IGF2BP2: variants seen among roughly 807,000 people sequenced by gnomAD.
IGF2BP2 encodes insulin-like growth factor 2 mRNA-binding protein 2.
Under a neutral mutation model 75.8 loss-of-function variants are expected in IGF2BP2, and 17 were observed. The observed-to-expected ratio is 0.22, with a 90% CI of 0.15 to 0.34. The LOEUF (loss-of-function observed/expected upper bound fraction) is 0.34. IGF2BP2 is among the 10% of genes least tolerant of loss of function. IGF2BP2 has a pLI of 1.00. For missense variants in IGF2BP2, 516 were observed against 772.4 expected, an observed-to-expected ratio of 0.67 and a Z score of 3.93; for synonymous variants, 288 against 295.6, an observed-to-expected ratio of 0.97 and a Z score of 0.26.
chr3:185,698,662 T>C (rs1722903737), intron 2 of IGF2BP2, among the ~76,000 whole-genome samples: 1 of 150,258 alleles, frequency 6.7e-6, no homozygotes, highest in Non-Finnish European at 1.5e-5. Context: ...AGAGTCCTGC[T>C]CTGTCATCCA....
chr3:185,723,438 T>A (rs959627384), intron 2 of IGF2BP2, among the ~76,000 whole-genome samples: 8 of 152,130 alleles, frequency 5.3e-5, no homozygotes, highest in Non-Finnish European at 1.2e-4. Context: ...CCCAGAGAAG[T>A]GATTTGTTCA....
At position 185,688,620 on chromosome 3, in the gene IGF2BP2, G is replaced by A. The variant is rs34126430; in HGVS notation, c.677+735C>T. Among the ~76,000 whole-genome samples, 290 of 152,308 alleles carry A rather than the reference G, an allele frequency of 1.9e-3. 3 individuals carry two copies. The highest frequency in any genetic ancestry group is 1.4e-3 in the Non-Finnish European group (94 of 68,032). On this transcript the variant is annotated intron_variant, in intron 6 of 15. Transcript: ENST00000382199. ...AGCCTCCCAAAGTGCTGGGATTACA[G>A]GGATGAGTCTCTGTAATACAGAGGG... is the stretch of plus-strand genomic sequence containing the variant.
At position 185,647,198 on chromosome 3, in the gene IGF2BP2, T is replaced by A; in HGVS notation, c.1594-60A>T. On this transcript the variant is annotated intron_variant, in intron 14 of 15. Coordinates refer to ENST00000382199, the MANE Select transcript of IGF2BP2 (RefSeq NM_006548.6). This position sits in a 1 kb window ranked among gnomAD's most constrained non-coding sequence, Gnocchi z 4.9. Reference sequence around the variant, plus strand: ...TTCCCTCCCCGTCAACGTGGTGGGCTCAGGACGGAGTGAGGGGCCAAGAGG... The same window carrying A: ...TTCCCTCCCCGTCAACGTGGTGGGCACAGGACGGAGTGAGGGGCCAAGAGG... 8.1e-7 allele frequency: 1 copy of A among 1,238,570 alleles called. No homozygotes were observed. The highest frequency in any genetic ancestry group is 1.2e-6 in the Non-Finnish European group (1 of 838,142). The allele number at this position is 1,238,570 out of a possible 1,614,324, so 76.7% of individuals were successfully genotyped here. A position where few individuals can be genotyped will look rare whatever the true frequency, so the allele number is the denominator to read the frequency against.
chr3:185,678,898 AGTTTT>A (rs1719951282), intron 7 of IGF2BP2, among the ~76,000 whole-genome samples: 1 of 151,968 alleles, frequency 6.6e-6, no homozygotes, highest in Admixed American at 6.6e-5. Flanking sequence ...CTCTCGTAAC[AGTTTT>A]GTTTTTAGTC....
At chr3:185,707,301 T>TC (rs1268738056) in intron 2 of IGF2BP2, among the ~76,000 whole-genome samples, 1 of 118,764 alleles carries the variant, frequency 8.4e-6, no homozygotes, top group African/African-American at 3.3e-5. Context: ...GGGGCTTTTT[T>TC]TTTTTTTTTT....
chr3:185,688,825 A>G (rs1721509226), intron 6 of IGF2BP2, among the ~76,000 whole-genome samples: 2 of 152,224 alleles, frequency 1.3e-5, no homozygotes, highest in African/African-American at 4.8e-5. Flanking sequence ...AAAATCAACA[A>G]TTCCATAAGA....
At chr3:185,650,284 T>C (rs1270346970) in intron 13 of IGF2BP2, among the ~76,000 whole-genome samples, 2 of 152,096 alleles carry the variant, frequency 1.3e-5, no homozygotes, top group Non-Finnish European at 1.5e-5. Context: ...TTCTTTTTTT[T>C]TTTTAGTGAA....
Position 185,658,401 on chromosome 3 carries a change from G to A in IGF2BP2, c.1209C>T (p.Ser403=), listed in dbSNP as rs746178228. 51 of 1,613,698 alleles carry A rather than the reference G, an allele frequency of 3.2e-5. No homozygotes were observed. Among genetic ancestry groups the A allele is most frequent in the Middle Eastern group, 3.3e-4 (2 of 6,080 alleles). Residue 403 remains serine (S), a synonymous_variant, in exon 11 of 16, where the codon TCC becomes TCT. Coordinates refer to ENST00000382199, the MANE Select transcript of IGF2BP2 (RefSeq NM_006548.6). Reference sequence around the variant, plus strand: ...GGGGGTACAGGCTGGAGAAGTATCCGGAGTGGGTCTGCAGCATGAGAGAAA... The same window carrying A: ...GGGGGTACAGGCTGGAGAAGTATCCAGAGTGGGTCTGCAGCATGAGAGAAA... The part of the protein sequence containing the change: ...AAPYHPFTTH[S]GYFSSLYPHH...
intron 2 of IGF2BP2, among the ~76,000 whole-genome samples, chr3:185,786,260 TG>T (rs1281001680): frequency 1.3e-5 from 2 of 152,064 alleles, no homozygotes; most frequent in African/African-American, 4.8e-5. Context: ...GGAGGCAACA[TG>T]GCCCCACTGA....
chr3:185,667,154 T>G (rs1435756674), intron 10 of IGF2BP2, among the ~76,000 whole-genome samples: 2 of 152,198 alleles, frequency 1.3e-5, no homozygotes, highest in Non-Finnish European at 2.9e-5. Context: ...CATTTTAAGT[T>G]CAACGATAAA....
intron 2 of IGF2BP2, among the ~76,000 whole-genome samples, chr3:185,809,374 T>C (rs1166215645): frequency 1.3e-5 from 2 of 152,240 alleles, no homozygotes; most frequent in East Asian, 1.9e-4. Context: ...CCCTGTGCAA[T>C]TGTTCTTTGC....
chr3:185,824,155 G>A (rs1741726349), intron 1 of IGF2BP2, among the ~76,000 whole-genome samples: 1 of 151,768 alleles, frequency 6.6e-6, no homozygotes, highest in African/African-American at 2.4e-5. Context: ...GGGATGTGCC[G>A]TCGTGCGAGG....
chr3:185,814,908 G>A (rs1400601517), intron 2 of IGF2BP2, among the ~76,000 whole-genome samples: 2 of 151,980 alleles, frequency 1.3e-5, no homozygotes, highest in Non-Finnish European at 1.5e-5. Flanking sequence ...TTTCTAAAAA[G>A]CAATTTACAA....
chr3:185,722,033 T>C (rs1468297112), intron 2 of IGF2BP2: 2 of 272,848 alleles, frequency 7.3e-6, no homozygotes, highest in Non-Finnish European at 1.4e-5. Context: ...TTTATTGATA[T>C]AAGATCACGG....
intron 3 of IGF2BP2, among the ~76,000 whole-genome samples, chr3:185,697,462 T>C (rs1372640887): frequency 6.6e-6 from 1 of 152,144 alleles, no homozygotes; most frequent in South Asian, 2.1e-4. Flanking sequence ...AAACATTGTT[T>C]CCTTTAAGGC....
At chr3:185,813,470 C>T (rs545521021) in intron 2 of IGF2BP2, among the ~76,000 whole-genome samples, 3 of 152,100 alleles carry the variant, frequency 2.0e-5, no homozygotes, top group African/African-American at 4.8e-5. Flanking sequence ...ACTATCAGCT[C>T]GAAAAGAAAG....
rs766056937 is a variant in IGF2BP2 at position 185,652,157 on chromosome 3, C to T, written c.1398G>A (p.Ala466=). 1.1e-5 allele frequency: 18 copies of T among 1,612,070 alleles called. No individual in the cohort carries two copies. The highest frequency in any genetic ancestry group is 8.3e-5 in the Admixed American group (5 of 59,886). The part of the protein sequence containing the change: ...FAGASIKIAP[A]EGPDVSERMV... ...TCCTTTCGCTGACGTCTGGGCCTTC[C>T]GCAGGGGCAATCTGTGGTTCACAGG... The change falls in exon 13 of 16, where the codon GCG becomes GCA. Residue 466 remains alanine (A), a synonymous_variant. Coordinates refer to ENST00000382199, the MANE Select transcript of IGF2BP2 (RefSeq NM_006548.6).
At chr3:185,822,702 C>G (rs144279647) in intron 2 of IGF2BP2, among the ~76,000 whole-genome samples, 1 of 152,310 alleles carries the variant, frequency 6.6e-6, no homozygotes, top group East Asian at 1.9e-4. Flanking sequence ...AATTATTTTA[C>G]TATTCAACAT....
At chr3:185,711,264 C>G (rs984403544) in intron 2 of IGF2BP2, among the ~76,000 whole-genome samples, 1 of 152,186 alleles carries the variant, frequency 6.6e-6, no homozygotes, top group African/African-American at 2.4e-5. Context: ...TGATAGAAAT[C>G]CAAGATTTCT....
Sources: gnomAD v4.1 joint callset for allele counts (sites outside exome capture counted in the v4.1 genomes callset) on GRCh38, gnomAD v4.1.1 for gene constraint, Gnocchi (gnomAD v3.1) non-coding constraint, MANE v1.5 for transcripts, NCBI Gene and HGNC (gene_info 2026-07-23, HGNC 2026-07-21) for gene names.